The following TRABD2B variants were observed in gnomAD, a reference collection of about 807,000 sequenced individuals.
The protein encoded by TRABD2B is metalloprotease TIKI2.
A neutral mutation model predicts 40.1 loss-of-function variants in TRABD2B; 14 were observed. The observed-to-expected ratio is 0.35, with a 90% CI of 0.23 to 0.55. TRABD2B has a LOEUF of 0.55. Ranked by LOEUF, TRABD2B falls within the 20% of genes least tolerant of loss-of-function variation. The pLI is 0.90. For missense variants in TRABD2B, 541 were observed against 648.6 expected (o/e 0.83, Z 1.80); for synonymous variants, 263 against 277.0 (o/e 0.95, Z 0.50).
At chr1:47,785,250 C>G (rs1343445393) in intron 4 of TRABD2B, among the ~76,000 whole-genome samples, 4 of 151,988 alleles carry the variant, frequency 2.6e-5, no homozygotes, top group Non-Finnish European at 5.9e-5. Flanking sequence ...CAAGCTGGGA[C>G]CAAAAAACAC....
chr1:47,857,476 A>C (rs2124542664), intron 2 of TRABD2B, among the ~76,000 whole-genome samples: 1 of 152,220 alleles, frequency 6.6e-6, no homozygotes, highest in East Asian at 1.9e-4. Flanking sequence ...TCCTTGGGGA[A>C]GCCTTCCCTG....
At chr1:47,906,457 G>A (rs918293741) in intron 2 of TRABD2B, among the ~76,000 whole-genome samples, 8 of 152,180 alleles carry the variant, frequency 5.3e-5, no homozygotes, top group East Asian at 1.9e-4. Context: ...TAGCCATGGC[G>A]AGATAATGCC....
At chr1:47,912,359 G>A (rs1644774099) in intron 2 of TRABD2B, among the ~76,000 whole-genome samples, 1 of 152,238 alleles carries the variant, frequency 6.6e-6, no homozygotes, top group South Asian at 2.1e-4. Context: ...CCAAAGCAAA[G>A]CAATGTGTGC....
At chr1:47,853,714 T>G (rs541057099) in intron 2 of TRABD2B, among the ~76,000 whole-genome samples, 1 of 152,312 alleles carries the variant, frequency 6.6e-6, no homozygotes, top group Non-Finnish European at 1.5e-5. Flanking sequence ...ATTTATTAGA[T>G]TTTGAATAGC....
chr1:47,807,859 T>C (rs1644913246), intron 2 of TRABD2B, among the ~76,000 whole-genome samples: 1 of 152,206 alleles, frequency 6.6e-6, no homozygotes, highest in Non-Finnish European at 1.5e-5. Context: ...GATAGCAGCA[T>C]CATGTTAGGT....
intron 2 of TRABD2B, among the ~76,000 whole-genome samples, chr1:47,942,992 T>C (rs986396284): frequency 6.6e-6 from 1 of 152,250 alleles, no homozygotes; most frequent in African/African-American, 2.4e-5. Flanking sequence ...CAAACGTACT[T>C]GAATCCAAAA....
chr1:47,811,802 C>T (rs1570012194), intron 2 of TRABD2B, among the ~76,000 whole-genome samples: 1 of 152,230 alleles, frequency 6.6e-6, no homozygotes, highest in Non-Finnish European at 1.5e-5. Context: ...GTGAGACCCA[C>T]TCTCTGGGCC....
At chr1:47,922,188 T>TG (rs1391330339) in intron 2 of TRABD2B, among the ~76,000 whole-genome samples, 1 of 152,186 alleles carries the variant, frequency 6.6e-6, no homozygotes, top group East Asian at 1.9e-4. Flanking sequence ...TGAGCTGGCC[T>TG]GGGGGAGAGG....
chr1:47,801,870 A>G (rs894338823), intron 2 of TRABD2B, among the ~76,000 whole-genome samples: 2 of 152,190 alleles, frequency 1.3e-5, no homozygotes, highest in African/African-American at 2.4e-5. Context: ...CTGGGTCTCA[A>G]CATCTTATTA....
intron 4 of TRABD2B, among the ~76,000 whole-genome samples, chr1:47,789,033 C>A (rs1252620053): frequency 6.6e-6 from 1 of 152,172 alleles, no homozygotes; most frequent in African/African-American, 2.4e-5. Context: ...GGACCCCACC[C>A]CCACAATTGG....
chr1:47,790,458 A>G (rs1644656177), intron 4 of TRABD2B, among the ~76,000 whole-genome samples: 1 of 152,108 alleles, frequency 6.6e-6, no homozygotes, highest in Non-Finnish European at 1.5e-5. Flanking sequence ...ACACATTTGC[A>G]CCCCACCTGC....
chr1:47,982,619 T>C (rs1011852825), intron 2 of TRABD2B, among the ~76,000 whole-genome samples: 2 of 152,198 alleles, frequency 1.3e-5, no homozygotes, highest in Non-Finnish European at 2.9e-5. Context: ...CTTTCAGGAT[T>C]GTTTTAGAAA....
At chr1:47,928,040 T>C (rs1356699115) in intron 2 of TRABD2B, among the ~76,000 whole-genome samples, 2 of 152,214 alleles carry the variant, frequency 1.3e-5, no homozygotes, top group Admixed American at 6.5e-5. Context: ...TTGGAATCTG[T>C]ATTTTAACAA....
At chr1:47,911,536 C>T (rs945075779) in intron 2 of TRABD2B, among the ~76,000 whole-genome samples, 3 of 152,230 alleles carry the variant, frequency 2.0e-5, no homozygotes, top group South Asian at 2.1e-4. Context: ...GCTAATGCAT[C>T]GTCTGTCAGT....
At position 47,765,611 on chromosome 1, in the gene TRABD2B, T is replaced by C. The variant is rs1364694134; in HGVS notation, c.*291A>G. The stretch of plus-strand genomic sequence containing the variant: ...CGGGCCAGCACTAGGGCTAGGGGGT[T>C]ATAACACAGGCCACATAAGAATAGT... On this transcript the variant is annotated 3_prime_UTR_variant, in exon 7 of 7. Transcript: ENST00000606738. The C allele has an allele frequency of 2.6e-5, 12 of 461,922 alleles. No homozygotes were observed. Among genetic ancestry groups the C allele is most frequent in the Middle Eastern group, 6.2e-4 (1 of 1,618 alleles). 28.6% of individuals were successfully genotyped at this position (461,922 alleles called of 1,614,324 possible).
At chr1:47,905,704 C>G (rs968855747) in intron 2 of TRABD2B, among the ~76,000 whole-genome samples, 2 of 152,224 alleles carry the variant, frequency 1.3e-5, no homozygotes, top group African/African-American at 4.8e-5. Context: ...CCTTCTCTCT[C>G]TCTCTCTTTT....
intron 2 of TRABD2B, among the ~76,000 whole-genome samples, chr1:47,897,809 G>GCTT (rs1306747783): frequency 6.6e-6 from 1 of 152,180 alleles, no homozygotes; most frequent in Admixed American, 6.5e-5. Flanking sequence ...ACCTCTCTGA[G>GCTT]CTTCTGTATT....
At chr1:47,930,700 T>A (rs1258180064) in intron 2 of TRABD2B, among the ~76,000 whole-genome samples, 2 of 152,060 alleles carry the variant, frequency 1.3e-5, no homozygotes, top group African/African-American at 4.8e-5. Flanking sequence ...AGAAAGAACA[T>A]CTCAAGCCTG....
At chr1:47,881,703 T>C (rs1304500572) in intron 2 of TRABD2B, among the ~76,000 whole-genome samples, 2 of 152,210 alleles carry the variant, frequency 1.3e-5, no homozygotes, top group African/African-American at 4.8e-5. Context: ...TCATGGGCTC[T>C]GAAAGCACGT....
Sources: allele counts gnomAD v4.1 joint callset (sites outside exome capture counted in the v4.1 genomes callset), GRCh38; gene constraint gnomAD v4.1.1; transcripts MANE v1.5; gene names NCBI Gene and HGNC (gene_info 2026-07-23, HGNC 2026-07-21).